Variants in PPP1R15B observed in about 807,000 individuals in gnomAD.
PPP1R15B encodes protein phosphatase 1 regulatory subunit 15B.
In PPP1R15B, 31 loss-of-function variants were observed where a neutral mutation model predicts 53.9. That is an observed-to-expected ratio of 0.58 (90% CI 0.43 to 0.78). The LOEUF (loss-of-function observed/expected upper bound fraction) is 0.78. Ranked by LOEUF, PPP1R15B falls within the 30% of genes least tolerant of loss-of-function variation. The pLI is 0.00. For missense variants in PPP1R15B, 928 were observed against 849.6 expected (o/e 1.09, Z -1.15); for synonymous variants, 345 against 329.1 (o/e 1.05, Z -0.52).
At chr1:204,402,967 G>C (rs1199871975), downstream of PPP1R15B, among the ~76,000 whole-genome samples, 1 of 152,120 alleles carries the variant, frequency 6.6e-6, no homozygotes, top group Admixed American at 6.5e-5. Flanking sequence ...AGCTACTCGG[G>C]AGGCTGAGGC....
intron 1 of PPP1R15B, among the ~76,000 whole-genome samples, chr1:204,406,575 C>A (rs1232559651): frequency 6.6e-6 from 1 of 152,080 alleles, no homozygotes; most frequent in African/African-American, 2.4e-5. Flanking sequence ...CACAGTGAAA[C>A]CCTGTCTCTA....
In PPP1R15B at chr1:204,411,157, G is replaced by A. The variant is rs143907441; in HGVS notation, c.255C>T (p.Ser85=). The change falls in exon 1 of 2, where the codon AGC becomes AGT. Residue 85 remains serine (S), a synonymous_variant. Transcript: ENST00000367188. The part of the protein sequence containing the change: ...PGLLQKVLIW[S]QLFGGMFPTR... ...TCGGAAACATTCCACCGAAAAGTTG[G>A]CTCCAAATTAGCACCTTCTGAAGCA... 8.6e-4 allele frequency: 1,383 copies of A among 1,614,116 alleles called. 1 individual carries two copies. The highest frequency in any genetic ancestry group is 1.1e-3 in the Non-Finnish European group (1,328 of 1,180,056).
chr1:204,407,356 TA>T (rs1339010263), intron 1 of PPP1R15B, among the ~76,000 whole-genome samples: 1 of 152,174 alleles, frequency 6.6e-6, no homozygotes, highest in Non-Finnish European at 1.5e-5. Flanking sequence ...TATCACTATA[TA>T]TGAAATTGTG....
Position 204,405,555 on chromosome 1 carries a change from C to CT in PPP1R15B, c.*536dup, listed in dbSNP as rs143841933. 1 of 981,640 alleles carries CT rather than the reference C, an allele frequency of 1.0e-6. No homozygotes were observed. Among genetic ancestry groups the CT allele is most frequent in the East Asian group, 1.1e-4 (1 of 8,790 alleles). The allele number at this position is 981,640 out of a possible 1,614,324, so 60.8% of individuals were successfully genotyped here. On this transcript the variant is annotated 3_prime_UTR_variant, in exon 2 of 2. Coordinates refer to ENST00000367188, the MANE Select transcript of PPP1R15B (RefSeq NM_032833.5). ...AAAAAAAGTGACACAAAATAATGCA[C>CT]TTTAAGTTGGTAGCATACACAAGGT...
At position 204,410,551 on chromosome 1, in the gene PPP1R15B, C is replaced by T. The variant is rs753121106; in HGVS notation, c.861G>A (p.Thr287=). 3 of 1,613,922 alleles carry T rather than the reference C, an allele frequency of 1.9e-6. No homozygotes were observed. Among genetic ancestry groups the T allele is most frequent in the Non-Finnish European group, 2.5e-6 (3 of 1,179,970 alleles). ...GATGGTGAATTTCTGGTAGGCCTTCCGTAGAAAGAGGTGGACATCCCTGCC... is the reference window on the plus strand; with the variant it reads ...GATGGTGAATTTCTGGTAGGCCTTCTGTAGAAAGAGGTGGACATCCCTGCC... ...ASWQGCPPLS[T]EGLPEIHHLR... Residue 287 remains threonine, a synonymous_variant, in exon 1 of 2, where the codon ACG becomes ACA. Transcript: ENST00000367188.
Position 204,405,909 on chromosome 1 carries a change from G to C in PPP1R15B, c.*183C>G. On this transcript the variant is annotated 3_prime_UTR_variant, in exon 2 of 2. Coordinates refer to ENST00000367188, the MANE Select transcript of PPP1R15B (RefSeq NM_032833.5). Reference sequence around the variant, plus strand: ...CACACTAGTTCATCCTTCATTATCAGGGCTGGCTTCAAACCTGAATGTTTC... The same window carrying C: ...CACACTAGTTCATCCTTCATTATCACGGCTGGCTTCAAACCTGAATGTTTC... 7.2e-7 allele frequency: 1 copy of C among 1,397,612 alleles called. No individual in the cohort carries two copies. The highest frequency in any genetic ancestry group is 3.0e-5 in the Admixed American group (1 of 33,454). The allele number at this position is 1,397,612 out of a possible 1,614,324, so 86.6% of individuals were successfully genotyped here.
At chr1:204,401,514 CATT>C (rs1434348146), downstream of PPP1R15B, among the ~76,000 whole-genome samples, 2 of 152,092 alleles carry the variant, frequency 1.3e-5, no homozygotes, top group Non-Finnish European at 2.9e-5. Context: ...CCCTGGGAAG[CATT>C]ATTTTTTAAT....
At chr1:204,399,717 A>T (rs1243601812), downstream of PPP1R15B, among the ~76,000 whole-genome samples, 1 of 152,148 alleles carries the variant, frequency 6.6e-6, no homozygotes, top group African/African-American at 2.4e-5. Flanking sequence ...AAAAATGTTA[A>T]CAAGATGAGG....
chr1:204,400,667 G>A (rs1350302223), downstream of PPP1R15B: 12 of 716,436 alleles, frequency 1.7e-5, no homozygotes, highest in Admixed American at 1.3e-4. Context: ...CATTTTAGTG[G>A]GAAAATGTGC....
chr1:204,397,830 T>C (rs1221899116), downstream of PPP1R15B, among the ~76,000 whole-genome samples: 2 of 151,908 alleles, frequency 1.3e-5, no homozygotes, highest in Non-Finnish European at 2.9e-5. Context: ...AGAGTAGTCA[T>C]GACGACCTTA....
At chr1:204,398,725 C>T (rs921472324), downstream of PPP1R15B, among the ~76,000 whole-genome samples, 2 of 152,074 alleles carry the variant, frequency 1.3e-5, no homozygotes, top group Admixed American at 6.5e-5. Flanking sequence ...TGGAAGATAA[C>T]GCCATCTGGT....
rs1674247186 is a variant in PPP1R15B, at chr1:204,405,403, T to C, written c.*689A>G. The C allele has an allele frequency of 1.0e-6, 1 of 985,264 alleles. No individual in the cohort carries two copies. Among genetic ancestry groups the C allele is most frequent in the Non-Finnish European group, 1.2e-6 (1 of 829,828 alleles). 61.0% of individuals were successfully genotyped at this position (985,264 alleles called of 1,614,324 possible). ...TAAAATGTGGTAGAAAGATGCAGCT[T>C]TCCCAAAGTAGTAAAGTACTGCACA... On this transcript the variant is annotated 3_prime_UTR_variant, in exon 2 of 2. Transcript: ENST00000367188.
chr1:204,400,337 T>A (rs1048266431), downstream of PPP1R15B, among the ~76,000 whole-genome samples: 1 of 151,548 alleles, frequency 6.6e-6, no homozygotes, highest in African/African-American at 2.4e-5. Flanking sequence ...TGAAAGTTAA[T>A]CCATCTTTTT....
downstream of PPP1R15B, among the ~76,000 whole-genome samples, chr1:204,396,552 C>T: frequency 7.6e-6 from 1 of 131,052 alleles, no homozygotes; most frequent in Non-Finnish European, 1.6e-5. Context: ...CCCTGTCTGT[C>T]AAAAAAAAAA....
Position 204,409,868 on chromosome 1 carries a change from G to A in PPP1R15B, c.1544C>T (p.Ser515Phe), listed in dbSNP as rs140452411. ...EEPSDSEKDL[S>F]GKSDLENSSQ... ...GGAATTCTCTAGATCAGACTTGCCA[G>A]ACAAATCCTTCTCTGAATCAGAAGG... The change falls in exon 1 of 2, where the codon TCT (serine) becomes TTT (phenylalanine). Residue 515 changes from serine (S) to phenylalanine (F), a missense_variant. Transcript: ENST00000367188. 1 of 1,614,154 alleles carries A rather than the reference G, an allele frequency of 6.2e-7. No homozygotes were observed. The highest frequency in any genetic ancestry group is 8.5e-7 in the Non-Finnish European group (1 of 1,180,030).
chr1:204,406,025 T>C lies in PPP1R15B; in HGVS notation c.*67A>G, dbSNP rs1490541575. 6.5e-7 allele frequency: 1 copy of C among 1,548,490 alleles called. No homozygotes were observed. Among genetic ancestry groups the C allele is most frequent in the Non-Finnish European group, 8.7e-7 (1 of 1,149,140 alleles). ...AAATGTCAAAGGACAGCTGCCAAGA[T>C]TTGTTTTTAAAAGACACCTCTCAGG... is the stretch of plus-strand genomic sequence containing the variant. On this transcript the variant is annotated 3_prime_UTR_variant, in exon 2 of 2. Coordinates refer to ENST00000367188, the MANE Select transcript of PPP1R15B (RefSeq NM_032833.5).
chr1:204,409,545 C>A lies in PPP1R15B; in HGVS notation c.1867G>T (p.Val623Leu), dbSNP rs756836773. Residue 623 changes from valine (V) to leucine (L), a missense_variant, in exon 1 of 2, where the codon GTA becomes TTA. Val to Leu is a conservative substitution (Grantham distance 32). Transcript: ENST00000367188. ...CCTCCAGAAAGAACGTCACGCTGTA[C>A]CGAGTCTGGACATTCACTTTCTTGG... is the stretch of plus-strand genomic sequence containing the variant. ...GSQESECPDS[V>L]QRDVLSGGRH... 1 of 1,614,088 alleles carries A rather than the reference C, an allele frequency of 6.2e-7. No individual in the cohort carries two copies. Among genetic ancestry groups the A allele is most frequent in the Admixed American group, 1.7e-5 (1 of 60,012 alleles).
rs1302459624 is a variant in PPP1R15B, at chr1:204,409,828, G to A, written c.1584C>T (p.Ser528=). ...SDLENSSQSG[S]LPETPEHSSG... is the part of the protein sequence containing the mutation. ...AACTATGCTCAGGGGTCTCAGGAAG[G>A]CTTCCAGACTGGGAGGAATTCTCTA... The change falls in exon 1 of 2, where the codon AGC becomes AGT. Residue 528 remains serine (S), a synonymous_variant. Transcript: ENST00000367188. 6.2e-7 allele frequency: 1 copy of A among 1,614,180 alleles called. No individual in the cohort carries two copies. Among genetic ancestry groups the A allele is most frequent in the Non-Finnish European group, 8.5e-7 (1 of 1,180,032 alleles).
downstream of PPP1R15B, among the ~76,000 whole-genome samples, chr1:204,399,589 ATATT>A: frequency 6.6e-6 from 1 of 152,256 alleles, no homozygotes; most frequent in Admixed American, 6.5e-5. Flanking sequence ...TATTCAACAA[ATATT>A]TATTGACTAT....
Sources: allele counts gnomAD v4.1 joint callset (sites outside exome capture counted in the v4.1 genomes callset), GRCh38; gene constraint gnomAD v4.1.1; transcripts MANE v1.5; gene names NCBI Gene and HGNC (gene_info 2026-07-23, HGNC 2026-07-21).